GRIN2A: variants seen among roughly 807,000 people sequenced by gnomAD.
GRIN2A encodes glutamate receptor ionotropic, NMDA 2A.
A neutral mutation model predicts 113.4 loss-of-function variants in GRIN2A; 22 were observed. That is an observed-to-expected ratio of 0.19 (90% CI 0.14 to 0.28). The LOEUF is 0.28. Among genes scored for constraint, GRIN2A ranks in the 10% least tolerant of loss-of-function variants. The pLI, the probability that GRIN2A is intolerant of heterozygous loss-of-function variation, is 1.00. For missense variants in GRIN2A, 1,502 were observed against 1,887.0 expected (o/e 0.80, Z 3.78); for synonymous variants, 827 against 738.4 (o/e 1.12, Z -1.94).
intron 11 of GRIN2A, among the ~76,000 whole-genome samples, chr16:9,782,217 G>T (rs1230598129): frequency 6.6e-6 from 1 of 152,000 alleles, no homozygotes; most frequent in Non-Finnish European, 1.5e-5. Context: ...TCTTGTCATT[G>T]TTTCCTAAAC....
chr16:10,170,428 A>G (rs1294104879), intron 2 of GRIN2A, among the ~76,000 whole-genome samples: 4 of 152,252 alleles, frequency 2.6e-5, no homozygotes, highest in Non-Finnish European at 5.9e-5. Flanking sequence ...TGGTGATAGC[A>G]TGGTGACAAT....
chr16:9,940,945 G>A (rs371815068), intron 2 of GRIN2A, among the ~76,000 whole-genome samples: 4 of 152,062 alleles, frequency 2.6e-5, no homozygotes, highest in South Asian at 2.1e-4. Context: ...AATTATATTC[G>A]CCAACCTCAC....
chr16:10,140,361 C>G (rs959640653), intron 2 of GRIN2A, among the ~76,000 whole-genome samples: 4 of 152,012 alleles, frequency 2.6e-5, no homozygotes, highest in African/African-American at 9.7e-5. Context: ...GAATTCAGGC[C>G]CAAATCTCTT....
rs560637832 is a variant in GRIN2A, at chr16:9,929,833, T to C, written c.1007+8126A>G. 1.4e-4 allele frequency among the ~76,000 whole-genome samples: 21 copies of C among 152,334 alleles called. No homozygotes were observed. In the South Asian group the frequency reaches 4.3e-3, roughly 32 times the overall value. ...GTTCCAAAATCCTAAGACTTACATC[T>C]GGCCTAAGGCAAATGTGAACAATAT... On this transcript the variant is annotated intron_variant, in intron 3 of 12. Coordinates refer to ENST00000330684, the MANE Select transcript of GRIN2A (RefSeq NM_001134407.3).
chr16:9,981,956 T>A (rs1299431232), intron 2 of GRIN2A, among the ~76,000 whole-genome samples: 1 of 152,006 alleles, frequency 6.6e-6, no homozygotes, highest in African/African-American at 2.4e-5. Flanking sequence ...CTAGCTAATT[T>A]TTGTATTTTT....
intron 9 of GRIN2A, among the ~76,000 whole-genome samples, chr16:9,827,220 G>A (rs1426661243): frequency 1.3e-5 from 2 of 152,270 alleles, no homozygotes; most frequent in East Asian, 1.9e-4. Flanking sequence ...TGGCTGGCGA[G>A]TGGCAGAGAG....
rs2141325796 is a variant in GRIN2A at position 9,834,242 on chromosome 16, C to T, written c.1652-12G>A. On this transcript the variant is annotated splice_polypyrimidine_tract_variant and intron_variant, in intron 7 of 12. Transcript: ENST00000330684. ...GGCGCTGAATGGTTCTGCAAATAAACAGATAAAGGAATGGAAACGTGGTTA... is the reference window on the plus strand; with the variant it reads ...GGCGCTGAATGGTTCTGCAAATAAATAGATAAAGGAATGGAAACGTGGTTA... The T allele has an allele frequency of 6.2e-7, 1 of 1,613,806 alleles. No homozygotes were observed. Among genetic ancestry groups the T allele is most frequent in the Middle Eastern group, 1.7e-4 (1 of 6,060 alleles).
chr16:9,784,838 A>G (rs1902137313), intron 11 of GRIN2A, among the ~76,000 whole-genome samples: 1 of 152,244 alleles, frequency 6.6e-6, no homozygotes, highest in African/African-American at 2.4e-5. Context: ...ATACATGAAA[A>G]AATGCTCATC....
At chr16:9,871,070 A>G (rs1281054565) in intron 4 of GRIN2A, among the ~76,000 whole-genome samples, 1 of 152,030 alleles carries the variant, frequency 6.6e-6, no homozygotes, top group East Asian at 1.9e-4. Flanking sequence ...TCCCTATTAC[A>G]GCCCAGATCT....
At chr16:10,098,846 A>T (rs2142102392) in intron 2 of GRIN2A, among the ~76,000 whole-genome samples, 1 of 152,246 alleles carries the variant, frequency 6.6e-6, no homozygotes. Flanking sequence ...AATTGGATTA[A>T]ATGTATACTG....
At chr16:10,068,626 T>C (rs566330030) in intron 2 of GRIN2A, among the ~76,000 whole-genome samples, 1 of 152,340 alleles carries the variant, frequency 6.6e-6, no homozygotes, top group African/African-American at 2.4e-5. Flanking sequence ...ACACTGGAGA[T>C]TACAATTCAA....
At chr16:9,899,126 A>C (rs1451868416) in intron 3 of GRIN2A, among the ~76,000 whole-genome samples, 1 of 152,130 alleles carries the variant, frequency 6.6e-6, no homozygotes, top group Non-Finnish European at 1.5e-5. Context: ...TCTTAACAGC[A>C]GAGCCAGAAC....
intron 2 of GRIN2A, among the ~76,000 whole-genome samples, chr16:10,149,318 A>G (rs1195907049): frequency 1.3e-5 from 2 of 152,234 alleles, no homozygotes; most frequent in African/African-American, 4.8e-5. Flanking sequence ...TGCCTCTGTC[A>G]AAATATCCCA....
chr16:10,050,498 G>A (rs977239315), intron 2 of GRIN2A, among the ~76,000 whole-genome samples: 4 of 151,896 alleles, frequency 2.6e-5, no homozygotes, highest in South Asian at 2.1e-4. Context: ...CTGCACATAC[G>A]AGGGATCTAG....
chr16:9,794,679 C>G (rs553852272), intron 11 of GRIN2A: 12 of 152,312 alleles, frequency 7.9e-5, no homozygotes, highest in Admixed American at 7.2e-4. Flanking sequence ...ACCAGGAAGG[C>G]AATGAGCCAG....
chr16:10,057,471 C>A (rs2047476251), intron 2 of GRIN2A, among the ~76,000 whole-genome samples: 1 of 152,024 alleles, frequency 6.6e-6, no homozygotes, highest in African/African-American at 2.4e-5. Flanking sequence ...ATAAATAAAT[C>A]ATACAAGTAA....
intron 2 of GRIN2A, among the ~76,000 whole-genome samples, chr16:10,139,041 G>A (rs1284755355): frequency 2.0e-5 from 3 of 152,198 alleles, no homozygotes; most frequent in Admixed American, 6.5e-5. Flanking sequence ...TGGCCCAGTT[G>A]CCGAAGACCA....
chr16:10,089,011 A>T (rs2048135673), intron 2 of GRIN2A, among the ~76,000 whole-genome samples: 1 of 152,222 alleles, frequency 6.6e-6, no homozygotes, highest in Admixed American at 6.5e-5. Context: ...GTCTCTCCTC[A>T]TGCCTCAGTT....
chr16:9,865,615 C>T (rs1400185294), intron 4 of GRIN2A, among the ~76,000 whole-genome samples: 4 of 152,156 alleles, frequency 2.6e-5, no homozygotes, highest in South Asian at 2.1e-4. Context: ...AGTGTTACAA[C>T]CAATAAACAG....
Sources: allele counts gnomAD v4.1 joint callset (sites outside exome capture counted in the v4.1 genomes callset), GRCh38; gene constraint gnomAD v4.1.1; transcripts MANE v1.5; gene names NCBI Gene and HGNC (gene_info 2026-07-23, HGNC 2026-07-21).